The following ANKRD52 variants were observed in gnomAD, a reference collection of about 807,000 sequenced individuals.
ANKRD52 encodes ankyrin repeat domain 52, also known as serine/threonine-protein phosphatase 6 regulatory ankyrin repeat subunit C.
In ANKRD52, 7 loss-of-function variants were observed where a neutral mutation model predicts 116.0. The ratio of observed to expected loss-of-function variants is 0.06; its 90% CI spans 0.03 to 0.11. The LOEUF is 0.11. Ranked by LOEUF, ANKRD52 falls within the 10% of genes least tolerant of loss-of-function variation. ANKRD52 has a pLI of 1.00. For synonymous variants in ANKRD52, 528 were observed against 578.1 expected (o/e 0.91, Z 1.24); for missense variants, 839 against 1,408.6 (o/e 0.60, Z 6.47).
In ANKRD52 at chr12:56,257,197, G is replaced by A. The variant is rs764318271; in HGVS notation, c.190+86C>T. 5 of 1,541,596 alleles carry A rather than the reference G, an allele frequency of 3.2e-6. No homozygotes were observed. The South Asian group carries it at 4.7e-5, about 15-fold the overall frequency. ...GCTGGAGCCTCGCCTGGACCAAGCCGGGGAGAGCAATCCTTGAATATCAAA... is the reference window on the plus strand; with the variant it reads ...GCTGGAGCCTCGCCTGGACCAAGCCAGGGAGAGCAATCCTTGAATATCAAA... On this transcript the variant is annotated intron_variant, in intron 3 of 27. Coordinates refer to ENST00000267116, the MANE Select transcript of ANKRD52 (RefSeq NM_173595.4).
At chr12:56,256,045 G>A in intron 4 of ANKRD52, 61 bp from the exon 5 acceptor site, 1 of 1,499,982 alleles carries the variant, frequency 6.7e-7, no homozygotes, top group Non-Finnish European at 9.1e-7. Context: ...ACAGGAAATG[G>A]AAGGAGGAAT....
At position 56,244,132 on chromosome 12, in the gene ANKRD52, C is replaced by T; in HGVS notation, c.2807G>A (p.Gly936Asp). ...NTALHLACSKGHEKCALMILA... is the reference protein window; with the variant it reads ...NTALHLACSKDHEKCALMILA... ...GATCATGAGGGCACATTTCTCATGG[C>T]CCTGAGGGAGGGGAACAGAGAGTGG... The change falls in exon 26 of 28, where the codon GGC becomes GAC. Residue 936 changes from glycine to aspartate, a missense_variant and splice_region_variant. This residue lies in a region of ANKRD52 where 552 missense variants were observed against 810.6 expected (regional missense o/e 0.68). Coordinates refer to ENST00000267116, the MANE Select transcript of ANKRD52 (RefSeq NM_173595.4). This position sits in a 1 kb window ranked among gnomAD's most constrained non-coding sequence, Gnocchi z 4.9. 2.5e-6 allele frequency: 4 copies of T among 1,613,880 alleles called. No individual in the cohort carries two copies. Among genetic ancestry groups the T allele is most frequent in the Non-Finnish European group, 3.4e-6 (4 of 1,179,832 alleles).
rs747267719 is a variant in ANKRD52 at position 56,243,392 on chromosome 12, C to A, written c.2981G>T (p.Gly994Val). 6 of 1,613,496 alleles carry A rather than the reference C, an allele frequency of 3.7e-6. No homozygotes were observed. Among genetic ancestry groups the A allele is most frequent in the Non-Finnish European group, 5.1e-6 (6 of 1,179,668 alleles). Residue 994 changes from glycine to valine, a missense_variant and splice_region_variant, in exon 28 of 28, where the codon GGT becomes GTT. Gly to Val is a moderately radical substitution (Grantham distance 109). Transcript: ENST00000267116. This position sits in a 1 kb window ranked among gnomAD's most constrained non-coding sequence, Gnocchi z 4.6. ...GATVLAVDEEGHTPALACAPN... is the reference protein window; with the variant it reads ...GATVLAVDEEVHTPALACAPN... ...GGCACAGGCCAGTGCTGGGGTGTGACCTGCAGGGCCAAGGGGGAGAACTGA... is the reference window on the plus strand; with the variant it reads ...GGCACAGGCCAGTGCTGGGGTGTGAACTGCAGGGCCAAGGGGGAGAACTGA...
Position 56,243,848 on chromosome 12 carries a change from G to C in ANKRD52, c.2917C>G (p.Leu973Val). 1 of 1,566,508 alleles carries C rather than the reference G, an allele frequency of 6.4e-7. No homozygotes were observed. Among genetic ancestry groups the C allele is most frequent in the Non-Finnish European group, 8.7e-7 (1 of 1,155,298 alleles). Residue 973 changes from leucine to valine, a missense_variant, in exon 27 of 28, where the codon CTA (leucine) becomes GTA (valine). By Grantham distance (32) the Leu-to-Val change is conservative. Around this residue, in one of 2 missense-constraint regions of ANKRD52, gnomAD observed 552 missense variants for 810.6 expected, o/e 0.68. Transcript: ENST00000267116. The surrounding 1 kb of genome is among the most constrained non-coding windows in gnomAD (Gnocchi z 4.6). ...AGCAGGGCCTGTACCACAGAAGCTAGACCATTCCGGGCAGCAATGTGGAGT... is the reference window on the plus strand; with the variant it reads ...AGCAGGGCCTGTACCACAGAAGCTACACCATTCCGGGCAGCAATGTGGAGT... Reference protein sequence around the residue: ...MPLHIAARNGLASVVQALLSH... With the variant: ...MPLHIAARNGVASVVQALLSH...
chr12:56,244,811 AT>A lies in ANKRD52; in HGVS notation c.2577-15del. On this transcript the variant is annotated splice_polypyrimidine_tract_variant and intron_variant, in intron 23 of 27. Transcript: ENST00000267116. The surrounding 1 kb of genome is among the most constrained non-coding windows in gnomAD (Gnocchi z 4.9). ...TGAAGGGGGGTCCTGTAAGGCAGGGATCAGGGTAGATTAAAATAGGGAAGAG... is the reference window on the plus strand; with the variant it reads ...TGAAGGGGGGTCCTGTAAGGCAGGGACAGGGTAGATTAAAATAGGGAAGAG... 1 of 1,613,826 alleles carries A rather than the reference AT, an allele frequency of 6.2e-7. No individual in the cohort carries two copies. Among genetic ancestry groups the A allele is most frequent in the South Asian group, 1.1e-5 (1 of 91,078 alleles).
chr12:56,245,708 C>CA, intron 20 of ANKRD52, 112 bp from the exon 21 acceptor site: 1 of 397,150 alleles, frequency 2.5e-6, no homozygotes. Context: ...CAATCCTTGT[C>CA]TTTTTTTTTT....
chr12:56,245,970 CTCCCAA>C (rs1871381343), intron 20 of ANKRD52, among the ~76,000 whole-genome samples: 1 of 151,996 alleles, frequency 6.6e-6, no homozygotes, highest in Admixed American at 6.6e-5. Context: ...CTGCCTCGGC[CTCCCAA>C]AGTGCTGGGA....
Position 56,252,101 on chromosome 12 carries a change from G to A in ANKRD52, c.1512-6C>T, listed in dbSNP as rs1231718128. 1.2e-6 allele frequency: 2 copies of A among 1,614,000 alleles called. No individual in the cohort carries two copies. The highest frequency in any genetic ancestry group is 2.2e-5 in the East Asian group (1 of 44,888). The stretch of plus-strand genomic sequence containing the variant: ...AAGGTGTATGGGGTTCCGCTCTGGG[G>A]AAGAGAGAGAGAAAGTTAGGGCCAG... On this transcript the variant is annotated splice_polypyrimidine_tract_variant and splice_region_variant and intron_variant, in intron 14 of 27. Coordinates refer to ENST00000267116, the MANE Select transcript of ANKRD52 (RefSeq NM_173595.4). The surrounding 1 kb of genome is among the most constrained non-coding windows in gnomAD (Gnocchi z 4.7).
At chr12:56,251,606 A>C (rs1871695457) in intron 15 of ANKRD52, among the ~76,000 whole-genome samples, 1 of 152,054 alleles carries the variant, frequency 6.6e-6, no homozygotes, top group Non-Finnish European at 1.5e-5. Flanking sequence ...ATATTTAATT[A>C]ATGCTTGTGG....
chr12:56,258,192 G>T, intron 1 of ANKRD52, 51 bp downstream of exon 1: 1 of 1,581,302 alleles, frequency 6.3e-7, no homozygotes, highest in East Asian at 2.3e-5. Flanking sequence ...CTCGCGTGAC[G>T]GCAGCGCCGA....
At position 56,242,029 on chromosome 12, in the gene ANKRD52, C is replaced by T. The variant is rs775503040; in HGVS notation, c.*1113G>A. ...AGCCACGGTCCCTTGTCGGCCCTGC[C>T]CCTCCTACCATCTTTGGCTTCAGAT... On this transcript the variant is annotated 3_prime_UTR_variant, in exon 28 of 28. Transcript: ENST00000267116. The surrounding 1 kb of genome is among the most constrained non-coding windows in gnomAD (Gnocchi z 4.3). 2 of 398,562 alleles carry T rather than the reference C, an allele frequency of 5.0e-6. No individual in the cohort carries two copies. The highest frequency in any genetic ancestry group is 7.1e-5 in the East Asian group (2 of 28,080). 24.7% of individuals were successfully genotyped at this position (398,562 alleles called of 1,614,324 possible).
At position 56,254,776 on chromosome 12, in the gene ANKRD52, A is replaced by G. The variant is rs943683696; in HGVS notation, c.551-56T>C. 9 of 1,599,074 alleles carry G rather than the reference A, an allele frequency of 5.6e-6. No individual in the cohort carries two copies. In the African/African-American group the frequency reaches 1.1e-4, roughly 19 times the overall value. On this transcript the variant is annotated intron_variant, in intron 6 of 27. Coordinates refer to ENST00000267116, the MANE Select transcript of ANKRD52 (RefSeq NM_173595.4). The surrounding 1 kb of genome is among the most constrained non-coding windows in gnomAD (Gnocchi z 4.6). Reference sequence around the variant, plus strand: ...TAGAAGGTAAACTCTAAGACCCTACACTCCTCTCTTCAAAGGCTGCAACCC... The same window carrying G: ...TAGAAGGTAAACTCTAAGACCCTACGCTCCTCTCTTCAAAGGCTGCAACCC...
chr12:56,253,815 TG>T lies in ANKRD52; in HGVS notation c.907-16del. ...CCTTCTTTGCTCTGTGGAAACATGGTGGGTTTTTGTTTTTGTTTTTTTTTCC... is the reference window on the plus strand; with the variant it reads ...CCTTCTTTGCTCTGTGGAAACATGGTGGTTTTTGTTTTTGTTTTTTTTTCC... On this transcript the variant is annotated splice_polypyrimidine_tract_variant and intron_variant, in intron 8 of 27. Coordinates refer to ENST00000267116, the MANE Select transcript of ANKRD52 (RefSeq NM_173595.4). This position sits in a 1 kb window ranked among gnomAD's most constrained non-coding sequence, Gnocchi z 5.5. 6.2e-7 allele frequency: 1 copy of T among 1,612,762 alleles called. No homozygotes were observed. The highest frequency in any genetic ancestry group is 1.1e-5 in the South Asian group (1 of 90,954).
At position 56,257,378 on chromosome 12, in the gene ANKRD52, G is replaced by C. The variant is rs1592396821; in HGVS notation, c.112-17C>G. The C allele has an allele frequency of 6.4e-6, 10 of 1,574,026 alleles. No individual in the cohort carries two copies. The highest frequency in any genetic ancestry group is 7.8e-6 in the Non-Finnish European group (9 of 1,159,396). On this transcript the variant is annotated splice_polypyrimidine_tract_variant and intron_variant, in intron 2 of 27. Coordinates refer to ENST00000267116, the MANE Select transcript of ANKRD52 (RefSeq NM_173595.4). ...CTCTTGGTCCTGGGAAGGCAAAAAA[G>C]AGCAGGGAGTATGGGCGCGGGGTAA... is the stretch of plus-strand genomic sequence containing the variant.
At chr12:56,249,730 CCT>C (rs1871593922) in intron 15 of ANKRD52, among the ~76,000 whole-genome samples, 1 of 152,314 alleles carries the variant, frequency 6.6e-6, no homozygotes, top group South Asian at 2.1e-4. Flanking sequence ...ATGGCGAAAC[CCT>C]GTTTCTACTA....
Position 56,247,481 on chromosome 12 carries a change from A to T in ANKRD52, c.2184+12T>A. 6.4e-7 allele frequency: 1 copy of T among 1,558,180 alleles called. No individual in the cohort carries two copies. Among genetic ancestry groups the T allele is most frequent in the South Asian group, 1.2e-5 (1 of 84,632 alleles). On this transcript the variant is annotated intron_variant, in intron 20 of 27. Transcript: ENST00000267116. ...CCCATGTGCAAACAATCCCCCCTAG[A>T]AGCTCACTCACCCCGCGGTGGAGGG...
Position 56,238,956 on chromosome 12 carries a change from CT to C in ANKRD52, c.*4185del, listed in dbSNP as rs1871046127. On this transcript the variant is annotated 3_prime_UTR_variant, in exon 28 of 28. Coordinates refer to ENST00000267116, the MANE Select transcript of ANKRD52 (RefSeq NM_173595.4). ...AGAAGGGAGGGAAGGCGGTCCCCAA[CT>C]TCCCTGGGGGCAAAGTCAGGCTTCC... 6.6e-6 allele frequency: 1 copy of C among 152,386 alleles called. No homozygotes were observed. 9.4% of individuals were successfully genotyped at this position (152,386 alleles called of 1,614,324 possible). A position where few individuals can be genotyped will look rare whatever the true frequency, so the allele number is the denominator to read the frequency against.
chr12:56,250,389 G>A (rs1414172238), intron 15 of ANKRD52, among the ~76,000 whole-genome samples: 8 of 147,020 alleles, frequency 5.4e-5, no homozygotes, highest in African/African-American at 1.0e-4. Flanking sequence ...TTTTAGAGAC[G>A]GGGTCTCACT....
rs775171834 is a variant in ANKRD52, at chr12:56,252,030, C to T, written c.1577G>A (p.Arg526Lys). The T allele has an allele frequency of 1.9e-6, 3 of 1,613,792 alleles. No homozygotes were observed. The highest frequency in any genetic ancestry group is 2.5e-6 in the Non-Finnish European group (3 of 1,179,870). The change falls in exon 15 of 28, where the codon AGG becomes AAG. Residue 526 changes from arginine (R) to lysine (K), a missense_variant. Arg to Lys is a conservative substitution (Grantham distance 26, BLOSUM62 2). Coordinates refer to ENST00000267116, the MANE Select transcript of ANKRD52 (RefSeq NM_173595.4). This position sits in a 1 kb window ranked among gnomAD's most constrained non-coding sequence, Gnocchi z 4.7. ...TGCTACTCACAAGAAGGCCTCCTTC[C>T]TGCGGGACTCCTTCAGTGGCTCGTC... ...EEDEPLKESR[R>K]KEAFFCLEFL...
Sources: allele counts gnomAD v4.1 joint callset (sites outside exome capture counted in the v4.1 genomes callset), GRCh38; gene constraint gnomAD v4.1.1; regional missense constraint gnomAD v4.1.1; non-coding constraint Gnocchi (gnomAD v3.1); transcripts MANE v1.5; gene names NCBI Gene and HGNC (gene_info 2026-07-23, HGNC 2026-07-21).